Variants in COL14A1 observed in about 807,000 individuals in gnomAD.
COL14A1 encodes the protein collagen alpha-1(XIV) chain.
Under a neutral mutation model 230.3 loss-of-function variants are expected in COL14A1, and 136 were observed. The observed-to-expected ratio is 0.59, with a 90% CI of 0.51 to 0.68. COL14A1 has a LOEUF of 0.68. COL14A1 is among the 30% of genes least tolerant of loss of function. The probability of loss-of-function intolerance (pLI) is 0.00; values close to 1 mark genes in which losing one functional copy is unlikely to be tolerated. For synonymous variants in COL14A1, 792 were observed against 784.1 expected, an observed-to-expected ratio of 1.01 and a Z score of -0.17; for missense variants, 1,976 against 2,215.8, an observed-to-expected ratio of 0.89 and a Z score of 2.17.
intron 25 of COL14A1, 138 bp downstream of exon 25, chr8:120,267,021 A>G (rs1192449000): frequency 2.9e-6 from 2 of 697,722 alleles, no homozygotes. Flanking sequence ...ACAAATGCTT[A>G]TCAACCATGA....
intron 35 of COL14A1, among the ~76,000 whole-genome samples, chr8:120,299,396 A>G (rs559654388): frequency 6.6e-6 from 1 of 152,258 alleles, no homozygotes; most frequent in South Asian, 2.1e-4. Context: ...CCTTGATGTT[A>G]TGCTAAAGGG....
At chr8:120,250,850 C>G in intron 22 of COL14A1, 84 bp downstream of exon 22, 2 of 1,503,612 alleles carry the variant, frequency 1.3e-6, no homozygotes, top group Non-Finnish European at 1.8e-6. Flanking sequence ...CTCTGTCGCT[C>G]AGGCTGGAGT....
At chr8:120,183,002 C>T (rs898505243) in intron 5 of COL14A1, among the ~76,000 whole-genome samples, 4 of 151,970 alleles carry the variant, frequency 2.6e-5, no homozygotes, top group Non-Finnish European at 2.9e-5. Context: ...GCTGGGATTA[C>T]GGGCAGAAGC....
Position 120,206,927 on chromosome 8 carries a change from T to C in COL14A1, c.1040-16T>C, listed in dbSNP as rs369787861. The C allele has an allele frequency of 2.8e-5, 44 of 1,590,382 alleles. No homozygotes were observed. Among genetic ancestry groups the C allele is most frequent in the Non-Finnish European group, 8.5e-7 (1 of 1,172,470 alleles). ...CTTTGGGTAAGAGGTTTATTTGATA[T>C]GTTTTTTTAATTTAGCCTCAGCCCA... On this transcript the variant is annotated splice_polypyrimidine_tract_variant and intron_variant, in intron 9 of 47. Coordinates refer to ENST00000297848, the MANE Select transcript of COL14A1 (RefSeq NM_021110.4).
intron 35 of COL14A1, among the ~76,000 whole-genome samples, chr8:120,298,402 A>G (rs1305805507): frequency 2.0e-5 from 3 of 151,384 alleles, no homozygotes; most frequent in Non-Finnish European, 4.4e-5. Flanking sequence ...TACATAACCT[A>G]TATGTGATGC....
chr8:120,133,344 A>G (rs981265624), intron 1 of COL14A1, among the ~76,000 whole-genome samples: 2 of 152,146 alleles, frequency 1.3e-5, no homozygotes, highest in Non-Finnish European at 2.9e-5. Context: ...GACACAGCAT[A>G]ATAAAAAAGA....
chr8:120,355,661 C>T (rs143624856), intron 45 of COL14A1, among the ~76,000 whole-genome samples: 1 of 151,968 alleles, frequency 6.6e-6, no homozygotes, highest in Non-Finnish European at 1.5e-5. Context: ...GACAACCCCC[C>T]CACCCCGCCT....
chr8:120,298,597 TTA>T (rs59846403), intron 35 of COL14A1, among the ~76,000 whole-genome samples: 5,070 of 57,492 alleles, frequency 0.088, 149 homozygotes, highest in Non-Finnish European at 0.098. Context: ...CCCATATATT[TTA>T]TATATATATA....
At chr8:120,189,595 T>G (rs1172261982) in intron 5 of COL14A1, among the ~76,000 whole-genome samples, 2 of 151,464 alleles carry the variant, frequency 1.3e-5, no homozygotes, top group African/African-American at 4.8e-5. Context: ...TAACTTGTCA[T>G]CTAGCATTAG....
chr8:120,342,499 A>C, intron 44 of COL14A1, 53 bp downstream of exon 44: 1 of 1,557,576 alleles, frequency 6.4e-7, no homozygotes, highest in Non-Finnish European at 8.9e-7. Context: ...TCTCATCCAA[A>C]AGAGAGTTTC....
chr8:120,232,781 A>G (rs941606593), intron 19 of COL14A1, among the ~76,000 whole-genome samples: 25 of 152,350 alleles, frequency 1.6e-4, no homozygotes, highest in African/African-American at 6.0e-4. Context: ...GTATACACCC[A>G]GTAATGGGAT....
rs758480538 is a variant in COL14A1, at chr8:120,206,941, A to C, written c.1040-2A>C. ...TTTATTTGATATGTTTTTTTAATTT[A>C]GCCTCAGCCCATGCCATCACTGGGC... On this transcript the variant is annotated splice_acceptor_variant, in intron 9 of 47. Coordinates refer to ENST00000297848, the MANE Select transcript of COL14A1 (RefSeq NM_021110.4). LOFTEE classifies it high-confidence loss of function. 2 of 1,596,276 alleles carry C rather than the reference A, an allele frequency of 1.3e-6. No individual in the cohort carries two copies. Among genetic ancestry groups the C allele is most frequent in the Admixed American group, 1.8e-5 (1 of 54,586 alleles).
chr8:120,250,599 A>G lies in COL14A1; in HGVS notation c.2603-18A>G, dbSNP rs1157760280. 6.8e-6 allele frequency: 11 copies of G among 1,613,870 alleles called. No individual in the cohort carries two copies. The Admixed American group carries it at 8.3e-5, about 12-fold the overall frequency. The stretch of plus-strand genomic sequence containing the variant: ...CCATATTTTGTTGTAACTAAAATAT[A>G]TCCTCTTTCTTCTTTAGTTCCTGGT... On this transcript the variant is annotated intron_variant, in intron 21 of 47. Transcript: ENST00000297848.
intron 5 of COL14A1, among the ~76,000 whole-genome samples, chr8:120,177,014 T>C (rs1182143106): frequency 1.3e-5 from 2 of 152,208 alleles, no homozygotes; most frequent in African/African-American, 4.8e-5. Flanking sequence ...TGTATATGTC[T>C]GTGCCCTGAG....
chr8:120,342,473 G>T (rs776495275), intron 44 of COL14A1, 27 bp downstream of exon 44: 1 of 1,605,806 alleles, frequency 6.2e-7, no homozygotes. Context: ...TACGGAGGAT[G>T]TTCCCCATAA....
intron 37 of COL14A1, 41 bp downstream of exon 37, chr8:120,310,103 T>C: frequency 6.3e-7 from 1 of 1,598,692 alleles, no homozygotes; most frequent in South Asian, 1.1e-5. Flanking sequence ...CTCATCTCTC[T>C]CTCTCTCTCA....
At chr8:120,135,328 A>G (rs1814674385) in intron 1 of COL14A1, among the ~76,000 whole-genome samples, 1 of 152,070 alleles carries the variant, frequency 6.6e-6, no homozygotes, top group Non-Finnish European at 1.5e-5. Flanking sequence ...CAGTGGCACA[A>G]TCTTGGCTCA....
At chr8:120,240,860 T>C (rs1430450045) in intron 19 of COL14A1, among the ~76,000 whole-genome samples, 1 of 152,212 alleles carries the variant, frequency 6.6e-6, no homozygotes, top group Non-Finnish European at 1.5e-5. Flanking sequence ...TTTGAATTCT[T>C]AGAAATAAAA....
chr8:120,284,025 G>A (rs1346945980), intron 32 of COL14A1, among the ~76,000 whole-genome samples: 1 of 152,220 alleles, frequency 6.6e-6, no homozygotes, highest in Non-Finnish European at 1.5e-5. Flanking sequence ...AAGGAGAAGA[G>A]AGAAAAACAA....
Sources: gnomAD v4.1 joint callset for allele counts (sites outside exome capture counted in the v4.1 genomes callset) on GRCh38, gnomAD v4.1.1 for gene constraint, MANE v1.5 for transcripts, NCBI Gene and HGNC (gene_info 2026-07-23, HGNC 2026-07-21) for gene names.